EXOC4: variants seen among roughly 807,000 people sequenced by gnomAD.
The protein encoded by EXOC4 is exocyst complex component 4, also known as SEC8-like 1.
Under a neutral mutation model 107.2 loss-of-function variants are expected in EXOC4, and 71 were observed. That is an observed-to-expected ratio of 0.66 (90% CI 0.55 to 0.81). EXOC4 has a LOEUF of 0.81. Among genes scored for constraint, EXOC4 ranks in the 30% least tolerant of loss-of-function variants. EXOC4 has a pLI of 0.00. For missense variants in EXOC4, 1,108 were observed against 1,189.6 expected, an observed-to-expected ratio of 0.93 and a Z score of 1.01; for synonymous variants, 456 against 441.2, an observed-to-expected ratio of 1.03 and a Z score of -0.42.
intron 9 of EXOC4, among the ~76,000 whole-genome samples, chr7:133,503,449 T>C (rs1165313264): frequency 6.6e-6 from 1 of 152,202 alleles, no homozygotes; most frequent in Admixed American, 6.5e-5. Context: ...AATCCTACTA[T>C]GGATTCTCAG....
chr7:133,920,583 C>A (rs1390231595), intron 13 of EXOC4, among the ~76,000 whole-genome samples: 1 of 152,140 alleles, frequency 6.6e-6, no homozygotes, highest in East Asian at 1.9e-4. Flanking sequence ...CAGAGTATTC[C>A]CAATTCTTCC....
intron 9 of EXOC4, among the ~76,000 whole-genome samples, chr7:133,577,155 T>C (rs1204905471): frequency 6.6e-6 from 1 of 152,190 alleles, no homozygotes; most frequent in Non-Finnish European, 1.5e-5. Context: ...AAATTTTGGG[T>C]AATATTGTAG....
At chr7:134,053,026 G>A (rs1795833033) in intron 17 of EXOC4, among the ~76,000 whole-genome samples, 2 of 152,172 alleles carry the variant, frequency 1.3e-5, no homozygotes, top group Non-Finnish European at 2.9e-5. Context: ...TTAATGACAT[G>A]TATAGACTAT....
chr7:133,670,400 A>G (rs1793919846), intron 10 of EXOC4, among the ~76,000 whole-genome samples: 1 of 152,154 alleles, frequency 6.6e-6, no homozygotes, highest in Non-Finnish European at 1.5e-5. Flanking sequence ...TAGCCAGTGT[A>G]TGGTTTGTTT....
At chr7:133,592,561 G>T (rs1360599563) in intron 9 of EXOC4, among the ~76,000 whole-genome samples, 1 of 152,106 alleles carries the variant, frequency 6.6e-6, no homozygotes, top group Non-Finnish European at 1.5e-5. Context: ...AAGTGCCTCA[G>T]CCTCTTGAGT....
intron 9 of EXOC4, among the ~76,000 whole-genome samples, chr7:133,509,337 A>G (rs928324899): frequency 4.5e-4 from 69 of 152,134 alleles, no homozygotes; most frequent in African/African-American, 1.6e-3. Flanking sequence ...CTGAGGCAGG[A>G]GAATGGCTTG....
intron 7 of EXOC4, among the ~76,000 whole-genome samples, chr7:133,421,501 C>G (rs1797606581): frequency 6.6e-6 from 1 of 152,126 alleles, no homozygotes; most frequent in Admixed American, 6.5e-5. Flanking sequence ...ATGTTCCTTG[C>G]AGAGGACAGA....
intron 9 of EXOC4, among the ~76,000 whole-genome samples, chr7:133,507,084 G>T (rs566867701): frequency 1.3e-5 from 2 of 151,976 alleles, no homozygotes; most frequent in African/African-American, 4.8e-5. Flanking sequence ...TTGATACTAT[G>T]ATTTCTTTTA....
intron 11 of EXOC4, among the ~76,000 whole-genome samples, chr7:133,881,461 C>G (rs1362466536): frequency 6.6e-6 from 1 of 152,138 alleles, no homozygotes; most frequent in Admixed American, 6.6e-5. Flanking sequence ...TCCTTCTCAC[C>G]TCTGTCTCTC....
intron 7 of EXOC4, among the ~76,000 whole-genome samples, chr7:133,439,207 A>G (rs1258376521): frequency 1.1e-5 from 1 of 92,098 alleles, no homozygotes; most frequent in Non-Finnish European, 2.0e-5. Context: ...TTTTTTTGAG[A>G]TGGAGTCTCG....
chr7:133,385,706 A>T (rs1796712295), intron 7 of EXOC4, among the ~76,000 whole-genome samples: 1 of 151,202 alleles, frequency 6.6e-6, no homozygotes, highest in South Asian at 2.1e-4. Flanking sequence ...ATGGGTTTTA[A>T]ATCATGTTTT....
chr7:133,773,164 A>G (rs929498043), intron 10 of EXOC4, among the ~76,000 whole-genome samples: 14 of 151,976 alleles, frequency 9.2e-5, no homozygotes, highest in African/African-American at 2.9e-4. Flanking sequence ...ATTGAAAACC[A>G]TACTATTTTA....
chr7:133,335,068 T>C (rs1044291871), intron 5 of EXOC4, among the ~76,000 whole-genome samples: 2 of 152,216 alleles, frequency 1.3e-5, no homozygotes, highest in African/African-American at 4.8e-5. Context: ...CATCAGGCAA[T>C]GGTGGAATAA....
intron 10 of EXOC4, among the ~76,000 whole-genome samples, chr7:133,691,414 A>G (rs920689207): frequency 6.6e-6 from 1 of 152,210 alleles, no homozygotes; most frequent in African/African-American, 2.4e-5. Flanking sequence ...GCTTCTAGAG[A>G]TTCTCTTGAA....
intron 14 of EXOC4, among the ~76,000 whole-genome samples, chr7:133,961,830 T>C (rs774337339): frequency 6.6e-6 from 1 of 152,190 alleles, no homozygotes; most frequent in Non-Finnish European, 1.5e-5. Flanking sequence ...GACCAGACTC[T>C]TTCAACAGCA....
chr7:133,965,173 G>A (rs1391341980), intron 14 of EXOC4, among the ~76,000 whole-genome samples: 1 of 152,122 alleles, frequency 6.6e-6, no homozygotes, highest in Admixed American at 6.5e-5. Context: ...ATTTTGTTGG[G>A]ATTGTTTGTT....
chr7:133,803,997 C>G (rs1357568416), intron 10 of EXOC4, among the ~76,000 whole-genome samples: 1 of 152,142 alleles, frequency 6.6e-6, no homozygotes, highest in Non-Finnish European at 1.5e-5. Flanking sequence ...TGATGTTACT[C>G]CAACCCATTT....
intron 10 of EXOC4, among the ~76,000 whole-genome samples, chr7:133,694,550 A>C (rs1585083947): frequency 6.6e-6 from 1 of 152,210 alleles, no homozygotes; most frequent in South Asian, 2.1e-4. Flanking sequence ...AAAGAAAAGC[A>C]ATTGAAGATA....
chr7:133,955,737 A>C (rs1203613846), intron 14 of EXOC4, among the ~76,000 whole-genome samples: 2 of 152,198 alleles, frequency 1.3e-5, no homozygotes, highest in African/African-American at 4.8e-5. Context: ...TGCTGCCCTC[A>C]GCACCCCATC....
Sources: allele counts gnomAD v4.1 joint callset (sites outside exome capture counted in the v4.1 genomes callset), GRCh38; gene constraint gnomAD v4.1.1; transcripts MANE v1.5; gene names NCBI Gene and HGNC (gene_info 2026-07-23, HGNC 2026-07-21).